The following CFAP43 variants were observed in gnomAD, a reference collection of about 807,000 sequenced individuals.
The protein encoded by CFAP43 is cilia- and flagella-associated protein 43.
Under a neutral mutation model 218.9 loss-of-function variants are expected in CFAP43, and 155 were observed. The ratio of observed to expected loss-of-function variants is 0.71; its 90% CI spans 0.62 to 0.81. The LOEUF (loss-of-function observed/expected upper bound fraction) is 0.81, where lower values mean the gene tolerates loss of function less well. Among genes scored for constraint, CFAP43 ranks in the 30% least tolerant of loss-of-function variants. The pLI is 0.00. For synonymous variants in CFAP43, 645 were observed against 681.3 expected (o/e 0.95, Z 0.83); for missense variants, 1,778 against 1,954.3 (o/e 0.91, Z 1.70).
chr10:104,182,331 T>A lies in CFAP43; in HGVS notation c.2289+35A>T, dbSNP rs781765076. ...AACTTCTGATTTACAAAGAAAGAAATGTAAGCAAGCAAGCTAGTCATATAG... is the reference window on the plus strand; with the variant it reads ...AACTTCTGATTTACAAAGAAAGAAAAGTAAGCAAGCAAGCTAGTCATATAG... On this transcript the variant is annotated intron_variant, in intron 17 of 37. Coordinates refer to ENST00000357060, the MANE Select transcript of CFAP43 (RefSeq NM_025145.7). 6.7e-6 allele frequency: 10 copies of A among 1,496,910 alleles called. No individual in the cohort carries two copies. The South Asian group carries it at 1.3e-4, about 19-fold the overall frequency. The allele number at this position is 1,496,910 out of a possible 1,614,324, so 92.7% of individuals were successfully genotyped here. A position where few individuals can be genotyped will look rare whatever the true frequency, so the allele number is the denominator to read the frequency against.
intron 12 of CFAP43, among the ~76,000 whole-genome samples, chr10:104,191,784 G>T (rs1414575380): frequency 1.1e-5 from 1 of 94,290 alleles, no homozygotes; most frequent in African/African-American, 5.2e-5. Context: ...AAAAAATTGT[G>T]TGTGTGGGGG....
rs745459449 is a variant in CFAP43 at position 104,167,673 on chromosome 10, T to C, written c.2756A>G (p.Lys919Arg). 60 of 1,612,608 alleles carry C rather than the reference T, an allele frequency of 3.7e-5. No individual in the cohort carries two copies. In the Admixed American group the frequency reaches 9.7e-4, roughly 26 times the overall value. ...TTGCTGTAAAACTCTTTCCAATTCT[T>C]TCAGCTCTTCAACCGTGCGCGCTTT... ...PMKARTVEEL[K>R]ELERVLQQKK... Residue 919 changes from lysine to arginine, a missense_variant, in exon 22 of 38, where the codon AAA becomes AGA. Coordinates refer to ENST00000357060, the MANE Select transcript of CFAP43 (RefSeq NM_025145.7).
intron 3 of CFAP43, among the ~76,000 whole-genome samples, chr10:104,215,696 C>T (rs1253083058): frequency 3.3e-5 from 5 of 152,166 alleles, no homozygotes; most frequent in Admixed American, 2.6e-4. Context: ...CTAAAATGGG[C>T]ATTTAAAATA....
At chr10:104,208,229 T>A (rs185313042) in intron 5 of CFAP43, among the ~76,000 whole-genome samples, 37 of 152,350 alleles carry the variant, frequency 2.4e-4, no homozygotes, top group African/African-American at 8.7e-4. Flanking sequence ...TTCCTGAGTT[T>A]TTTTTATGAC....
At chr10:104,224,826 G>A (rs1029267035) in intron 3 of CFAP43, among the ~76,000 whole-genome samples, 1 of 148,766 alleles carries the variant, frequency 6.7e-6, no homozygotes, top group African/African-American at 2.5e-5. Context: ...TTACATTTTT[G>A]TATAAGAAAT....
chr10:104,144,373 G>C (rs927662723), intron 31 of CFAP43, among the ~76,000 whole-genome samples: 2 of 152,148 alleles, frequency 1.3e-5, no homozygotes, highest in Non-Finnish European at 2.9e-5. Context: ...GAAAACCGCC[G>C]GGCGAGATGG....
In CFAP43 at chr10:104,193,912, C is replaced by G. The variant is rs2090307997; in HGVS notation, c.1396G>C (p.Val466Leu). ...ISVYDKESPQ[V>L]VHKAFLSESS... ...TCCGAGAGAAAGGCCTTGTGCACGACCTGAGGGGATTCCTTATCATATACG... is the reference window on the plus strand; with the variant it reads ...TCCGAGAGAAAGGCCTTGTGCACGAGCTGAGGGGATTCCTTATCATATACG... The change falls in exon 11 of 38, where the codon GTC becomes CTC. Residue 466 changes from valine (V) to leucine (L), a missense_variant. Val to Leu is a conservative substitution (Grantham distance 32). This residue lies in a region of CFAP43 where 1,553 missense variants were observed against 1,685.2 expected (regional missense o/e 0.92). Coordinates refer to ENST00000357060, the MANE Select transcript of CFAP43 (RefSeq NM_025145.7). 6.2e-7 allele frequency: 1 copy of G among 1,613,964 alleles called. No individual in the cohort carries two copies. Among genetic ancestry groups the G allele is most frequent in the Non-Finnish European group, 8.5e-7 (1 of 1,180,026 alleles).
intron 9 of CFAP43, among the ~76,000 whole-genome samples, chr10:104,197,303 G>A (rs2090408504): frequency 6.6e-6 from 1 of 152,034 alleles, no homozygotes; most frequent in Middle Eastern, 3.2e-3. Flanking sequence ...TTTTTTTAGA[G>A]CAGTTTTAGG....
At chr10:104,164,396 C>A in intron 23 of CFAP43, 96 bp from the exon 24 acceptor site, 5 of 1,014,370 alleles carry the variant, frequency 4.9e-6, no homozygotes, top group Non-Finnish European at 6.9e-6. Flanking sequence ...AATCATTCCA[C>A]AAATTTTTTT....
At position 104,130,198 on chromosome 10, in the gene CFAP43, G is replaced by A; in HGVS notation, c.4939C>T (p.Leu1647=). The change falls in exon 38 of 38, where the codon CTA becomes TTA. Residue 1647 remains leucine (L), a synonymous_variant. Coordinates refer to ENST00000357060, the MANE Select transcript of CFAP43 (RefSeq NM_025145.7). Reference sequence around the variant, plus strand: ...CTTAATCTTTCAACTTCAGTCTGTAGTATTGAAATCTGTTCAGCTTGTTGT... The same window carrying A: ...CTTAATCTTTCAACTTCAGTCTGTAATATTGAAATCTGTTCAGCTTGTTGT... ...SKQQAEQISI[L]QTEVERLRMK... 1 of 1,611,804 alleles carries A rather than the reference G, an allele frequency of 6.2e-7. No individual in the cohort carries two copies. The highest frequency in any genetic ancestry group is 8.5e-7 in the Non-Finnish European group (1 of 1,179,372).
Position 104,133,679 on chromosome 10 carries a change from CTTCCCT to C in CFAP43, c.4531_4536del (p.Arg1511_Glu1512del). 6.2e-7 allele frequency: 1 copy of C among 1,613,000 alleles called. No homozygotes were observed. The highest frequency in any genetic ancestry group is 1.1e-5 in the South Asian group (1 of 91,018). On this transcript the variant is annotated inframe_deletion, in exon 35 of 38. Transcript: ENST00000357060. Reference sequence around the variant, plus strand: ...ATATCCCAAGCCTTCTGATTTAGATCTTCCCTTTCCATCTCCATTTTCTTATGTTCC... The same window carrying C: ...ATATCCCAAGCCTTCTGATTTAGATCTTCCATCTCCATTTTCTTATGTTCC...
intron 37 of CFAP43, 151 bp from the exon 38 acceptor site, chr10:104,130,456 A>G (rs2134719089): frequency 1.1e-6 from 1 of 873,166 alleles, no homozygotes; most frequent in East Asian, 2.8e-5. Context: ...AAAAGCAAAG[A>G]CATGGAGTCA....
intron 3 of CFAP43, among the ~76,000 whole-genome samples, chr10:104,223,724 G>A (rs12781433): frequency 0.13 from 19,207 of 152,112 alleles, 1,511 homozygotes; most frequent in Non-Finnish European, 0.17. Context: ...TCTGTTATTC[G>A]AGACACTCAG....
chr10:104,202,831 TA>T (rs372323241), intron 8 of CFAP43, among the ~76,000 whole-genome samples: 2 of 150,234 alleles, frequency 1.3e-5, no homozygotes, highest in African/African-American at 2.4e-5. Context: ...TTTTTTTTTT[TA>T]AAAAAAACTT....
chr10:104,144,349 T>C (rs2087852681), intron 31 of CFAP43, among the ~76,000 whole-genome samples: 1 of 152,200 alleles, frequency 6.6e-6, no homozygotes, highest in Non-Finnish European at 1.5e-5. Flanking sequence ...TATCACTCAC[T>C]CTTTTAAAAA....
chr10:104,231,875 T>C (rs2091457627), intron 1 of CFAP43, among the ~76,000 whole-genome samples: 1 of 151,712 alleles, frequency 6.6e-6, no homozygotes, highest in African/African-American at 2.4e-5. Context: ...CTAGCGGGAA[T>C]CCTGAGCTAG....
At position 104,197,953 on chromosome 10, in the gene CFAP43, T is replaced by C; in HGVS notation, c.1181A>G (p.Asp394Gly). The change falls in exon 9 of 38, where the codon GAC (aspartate) becomes GGC (glycine). Residue 394 changes from aspartate to glycine, a missense_variant. By Grantham distance (94) the Asp-to-Gly change is moderately conservative. Around this residue, in one of 3 missense-constraint regions of CFAP43, gnomAD observed 1,553 missense variants for 1,685.2 expected, o/e 0.92. Coordinates refer to ENST00000357060, the MANE Select transcript of CFAP43 (RefSeq NM_025145.7). ...DACDGKFQAI[D>G]FITPGTQYFM... is the part of the protein sequence containing the mutation. ...GTATTGGGTTCCAGGTGTGATAAAG[T>C]CAATTGCCTGAAATTTCCCATCACA... 6.2e-7 allele frequency: 1 copy of C among 1,613,622 alleles called. No individual in the cohort carries two copies. Among genetic ancestry groups the C allele is most frequent in the Non-Finnish European group, 8.5e-7 (1 of 1,179,586 alleles).
At chr10:104,214,056 T>C (rs1365788826) in intron 4 of CFAP43, among the ~76,000 whole-genome samples, 2 of 152,190 alleles carry the variant, frequency 1.3e-5, no homozygotes, top group East Asian at 1.9e-4. Context: ...GAGAATTCTT[T>C]TGAAATGCAA....
intron 11 of CFAP43, 163 bp from the exon 12 acceptor site, chr10:104,192,465 G>A (rs2090258082): frequency 1.6e-6 from 1 of 612,476 alleles, no homozygotes; most frequent in Non-Finnish European, 2.9e-6. Flanking sequence ...ATTACATGTG[G>A]ATATAATCAT....
Sources: gnomAD v4.1 joint callset for allele counts (sites outside exome capture counted in the v4.1 genomes callset) on GRCh38, gnomAD v4.1.1 for gene constraint, gnomAD v4.1.1 regional missense constraint, MANE v1.5 for transcripts, NCBI Gene and HGNC (gene_info 2026-07-23, HGNC 2026-07-21) for gene names.